NPAS3: variants seen among roughly 807,000 people sequenced by gnomAD.
The protein encoded by NPAS3 is neuronal PAS domain-containing protein 3.
A neutral mutation model predicts 73.1 loss-of-function variants in NPAS3; 14 were observed. The observed-to-expected ratio is 0.19, with a 90% CI of 0.13 to 0.30. The LOEUF is 0.30. Ranked by LOEUF, NPAS3 falls within the 10% of genes least tolerant of loss-of-function variation. NPAS3 has a pLI of 1.00. For synonymous variants in NPAS3, 620 were observed against 541.5 expected (o/e 1.14, Z -2.01); for missense variants, 1,096 against 1,250.0 (o/e 0.88, Z 1.86).
intron 2 of NPAS3, among the ~76,000 whole-genome samples, chr14:33,194,180 A>T (rs1165680907): frequency 6.6e-6 from 1 of 152,214 alleles, no homozygotes; most frequent in African/African-American, 2.4e-5. Context: ...TGTCTCTGGA[A>T]CTATTTCCTG....
intron 1 of NPAS3, among the ~76,000 whole-genome samples, chr14:33,000,409 T>C (rs1159524631): frequency 6.6e-6 from 1 of 152,176 alleles, no homozygotes; most frequent in Non-Finnish European, 1.5e-5. Context: ...ACTCTGTGGG[T>C]CAGCTCACTC....
chr14:33,455,241 CCTT>C (rs1040857116), intron 4 of NPAS3, among the ~76,000 whole-genome samples: 4 of 152,172 alleles, frequency 2.6e-5, no homozygotes, highest in Non-Finnish European at 5.9e-5. Flanking sequence ...TTCATTTTGA[CCTT>C]CTCTCATCAG....
chr14:32,971,683 C>T (rs1008275802), intron 1 of NPAS3, among the ~76,000 whole-genome samples: 2 of 152,084 alleles, frequency 1.3e-5, no homozygotes, highest in African/African-American at 2.4e-5. Context: ...GATACTACCT[C>T]CTCAGTTGAG....
intron 5 of NPAS3, chr14:33,608,412 T>C (rs948667182): frequency 2.6e-4 from 40 of 152,220 alleles, no homozygotes; most frequent in African/African-American, 8.0e-4. Context: ...GTGAGGATGT[T>C]TCTGAAATGC....
chr14:33,686,882 T>C (rs1595440167), intron 6 of NPAS3, among the ~76,000 whole-genome samples: 1 of 152,304 alleles, frequency 6.6e-6, no homozygotes, highest in Admixed American at 6.5e-5. Context: ...CATAGGAAAC[T>C]TATGTTCACT....
intron 2 of NPAS3, among the ~76,000 whole-genome samples, chr14:33,110,059 A>G (rs535158538): frequency 2.1e-3 from 321 of 152,134 alleles, no homozygotes; most frequent in Non-Finnish European, 4.0e-3. Flanking sequence ...AGCTCTCTGT[A>G]ATAGTATTTT....
At chr14:33,123,695 G>A (rs1394139654) in intron 2 of NPAS3, among the ~76,000 whole-genome samples, 3 of 152,020 alleles carry the variant, frequency 2.0e-5, no homozygotes, top group Non-Finnish European at 4.4e-5. Context: ...ATAATGGTAA[G>A]CTTAAAAACA....
chr14:33,448,795 G>C (rs114836494), intron 4 of NPAS3, among the ~76,000 whole-genome samples: 1 of 152,106 alleles, frequency 6.6e-6, no homozygotes, highest in Non-Finnish European at 1.5e-5. Context: ...CCAAATGTCC[G>C]TACAGATGTG....
At chr14:33,015,368 A>G (rs554365138) in intron 1 of NPAS3, among the ~76,000 whole-genome samples, 1 of 152,314 alleles carries the variant, frequency 6.6e-6, no homozygotes, top group East Asian at 1.9e-4. Flanking sequence ...AGCAAAACAT[A>G]AAATTAATAT....
At position 33,778,367 on chromosome 14, in the gene NPAS3, G is replaced by GAA. The variant is rs2062883394; in HGVS notation, c.1047-99_1047-98insAA. On this transcript the variant is annotated intron_variant, in intron 8 of 11. Coordinates refer to ENST00000356141, the Ensembl canonical transcript of NPAS3. ...GTGCCACCTCCTCACGGGTACAGTA[G>GAA]TATAATGAAATGTGTCAGTAGAACT... is the stretch of plus-strand genomic sequence containing the variant. 4 of 830,482 alleles carry GAA rather than the reference G, an allele frequency of 4.8e-6. No individual in the cohort carries two copies. The Admixed American group carries it at 7.7e-5, about 16-fold the overall frequency. The allele number at this position is 830,482 out of a possible 1,614,324, so 51.4% of individuals were successfully genotyped here.
At chr14:33,504,240 T>C (rs1015329181) in intron 4 of NPAS3, among the ~76,000 whole-genome samples, 4 of 152,006 alleles carry the variant, frequency 2.6e-5, no homozygotes, top group African/African-American at 9.7e-5. Flanking sequence ...GGCTACCATC[T>C]TGAATTCCTC....
At chr14:33,027,206 T>C (rs2039835511) in intron 1 of NPAS3, among the ~76,000 whole-genome samples, 1 of 152,184 alleles carries the variant, frequency 6.6e-6, no homozygotes, top group South Asian at 2.1e-4. Context: ...GCCCTATTTT[T>C]CTGGGGCTGA....
chr14:33,413,294 A>G (rs1213467992), intron 4 of NPAS3, among the ~76,000 whole-genome samples: 1 of 144,864 alleles, frequency 6.9e-6, no homozygotes, highest in Non-Finnish European at 1.5e-5. Context: ...TTTTAATTTC[A>G]TTTGCTACCG....
chr14:33,150,953 G>A (rs1281323197), intron 2 of NPAS3, among the ~76,000 whole-genome samples: 2 of 152,172 alleles, frequency 1.3e-5, no homozygotes, highest in East Asian at 3.8e-4. Flanking sequence ...CCTATTGATT[G>A]CGGTACCACT....
chr14:33,200,742 C>G (rs1011521127), intron 2 of NPAS3, among the ~76,000 whole-genome samples: 1 of 152,136 alleles, frequency 6.6e-6, no homozygotes, highest in Non-Finnish European at 1.5e-5. Flanking sequence ...GGGCCACATT[C>G]CAATCTAGTA....
At chr14:33,400,867 C>T (rs2047415882) in intron 4 of NPAS3, among the ~76,000 whole-genome samples, 1 of 151,860 alleles carries the variant, frequency 6.6e-6, no homozygotes, top group Admixed American at 6.6e-5. Flanking sequence ...TATTTCAGAC[C>T]TACCTAGGAT....
chr14:33,765,460 C>T (rs563679035), intron 7 of NPAS3, among the ~76,000 whole-genome samples: 2 of 152,208 alleles, frequency 1.3e-5, no homozygotes, highest in South Asian at 2.1e-4. Context: ...CTCAGCCTCC[C>T]CCAGAGGCTT....
intron 3 of NPAS3, among the ~76,000 whole-genome samples, chr14:33,365,631 T>G (rs562895563): frequency 6.6e-6 from 1 of 152,302 alleles, no homozygotes; most frequent in South Asian, 2.1e-4. Flanking sequence ...TTCAATTATA[T>G]TTTATAAATT....
At chr14:33,565,832 A>G (rs1443015763) in intron 5 of NPAS3, among the ~76,000 whole-genome samples, 1 of 152,168 alleles carries the variant, frequency 6.6e-6, no homozygotes, top group African/African-American at 2.4e-5. Flanking sequence ...TAATAAATGA[A>G]TGCAAATACT....
Sources: gnomAD v4.1 joint callset for allele counts (sites outside exome capture counted in the v4.1 genomes callset) on GRCh38, gnomAD v4.1.1 for gene constraint, MANE v1.5 for transcripts, NCBI Gene and HGNC (gene_info 2026-07-23, HGNC 2026-07-21) for gene names.